KLF12: variants seen among roughly 807,000 people sequenced by gnomAD.
The protein encoded by KLF12 is KLF transcription factor 12, also known as Krueppel-like factor 12.
KLF12 carries 9 observed loss-of-function variants against 37.8 expected under a neutral mutation model. The observed-to-expected ratio is 0.24, with a 90% CI of 0.14 to 0.42. KLF12 has a LOEUF of 0.42. Ranked by LOEUF, KLF12 falls within the 10% of genes least tolerant of loss-of-function variation. The probability of loss-of-function intolerance (pLI) is 1.00; values close to 1 mark genes in which losing one functional copy is unlikely to be tolerated. For missense variants in KLF12, 411 were observed against 516.0 expected, an observed-to-expected ratio of 0.80 and a Z score of 1.97; for synonymous variants, 208 against 202.1, an observed-to-expected ratio of 1.03 and a Z score of -0.25.
chr13:73,690,769 A>C lies in KLF12; in HGVS notation c.*4721T>G, dbSNP rs932629951. 6.6e-6 allele frequency: 1 copy of C among 152,634 alleles called. No homozygotes were observed. The highest frequency in any genetic ancestry group is 1.5e-5 in the Non-Finnish European group (1 of 68,040). 9.5% of individuals were successfully genotyped at this position (152,634 alleles called of 1,614,324 possible). On this transcript the variant is annotated 3_prime_UTR_variant, in exon 8 of 8. Coordinates refer to ENST00000377669, the MANE Select transcript of KLF12 (RefSeq NM_007249.5). Reference sequence around the variant, plus strand: ...GCTCTCTTTCCCAACATACTTCATCAAACTATTTACAACCTCTGTAAAATT... The same window carrying C: ...GCTCTCTTTCCCAACATACTTCATCCAACTATTTACAACCTCTGTAAAATT...
intron 6 of KLF12, among the ~76,000 whole-genome samples, chr13:73,733,876 C>T (rs1298732559): frequency 6.6e-6 from 1 of 152,180 alleles, no homozygotes; most frequent in African/African-American, 2.4e-5. Flanking sequence ...TGGTCGCTCA[C>T]AGTCTTCTCA....
At chr13:73,764,364 C>T (rs931618927) in intron 6 of KLF12, among the ~76,000 whole-genome samples, 1 of 151,840 alleles carries the variant, frequency 6.6e-6, no homozygotes, top group Non-Finnish European at 1.5e-5. Context: ...TCTAAAGAAT[C>T]GATAAGCTAT....
chr13:73,903,955 G>A (rs1159367408), intron 3 of KLF12, among the ~76,000 whole-genome samples: 1 of 152,140 alleles, frequency 6.6e-6, no homozygotes, highest in African/African-American at 2.4e-5. Flanking sequence ...TTCCATTCTC[G>A]GAAAAATTTC....
At chr13:73,796,507 C>CTCTGTGTG (rs1341877045) in intron 5 of KLF12, among the ~76,000 whole-genome samples, 2 of 140,276 alleles carry the variant, frequency 1.4e-5, no homozygotes, top group African/African-American at 2.6e-5. Context: ...TGCCCCTGTG[C>CTCTGTGTG]TGTGTGTGTG....
At chr13:73,894,267 G>A (rs1045034578) in intron 3 of KLF12, among the ~76,000 whole-genome samples, 10 of 152,100 alleles carry the variant, frequency 6.6e-5, no homozygotes, top group Non-Finnish European at 1.3e-4. Flanking sequence ...AAAACTTTTC[G>A]CTCTCAAGAT....
intron 7 of KLF12, among the ~76,000 whole-genome samples, chr13:73,703,866 TG>T (rs1427625652): frequency 6.6e-6 from 1 of 152,172 alleles, no homozygotes; most frequent in Admixed American, 6.5e-5. Context: ...ACTGCAAATG[TG>T]AGCTACTACT....
intron 3 of KLF12, among the ~76,000 whole-genome samples, chr13:73,943,516 C>T (rs896390011): frequency 6.6e-6 from 1 of 152,296 alleles, no homozygotes; most frequent in East Asian, 1.9e-4. Flanking sequence ...CAACTATCCC[C>T]TAGTACTCCT....
At chr13:73,832,535 G>A (rs1884218272) in intron 4 of KLF12, among the ~76,000 whole-genome samples, 1 of 152,150 alleles carries the variant, frequency 6.6e-6, no homozygotes, top group African/African-American at 2.4e-5. Context: ...AAGCAATCAA[G>A]AAATTGAAAA....
At chr13:74,272,168 G>A in the KLF12 span, among the ~76,000 whole-genome samples, 1 of 152,172 alleles carries the variant, frequency 6.6e-6, no homozygotes, top group African/African-American at 2.4e-5. Context: ...AATTACTCTT[G>A]TCAAATAAAT....
the KLF12 span, among the ~76,000 whole-genome samples, chr13:74,274,435 C>G: frequency 1.3e-5 from 2 of 152,172 alleles, no homozygotes; most frequent in Non-Finnish European, 2.9e-5. Context: ...ATCTTTCCAC[C>G]TGTTCCTAAT....
intron 5 of KLF12, among the ~76,000 whole-genome samples, chr13:73,803,753 A>G (rs986177427): frequency 2.7e-5 from 4 of 148,686 alleles, no homozygotes; most frequent in African/African-American, 1.0e-4. Context: ...TCCTCTGAGC[A>G]GCACAACATA....
At chr13:73,830,976 A>G (rs1299215322) in intron 4 of KLF12, among the ~76,000 whole-genome samples, 1 of 143,666 alleles carries the variant, frequency 7.0e-6, no homozygotes, top group Admixed American at 7.5e-5. Flanking sequence ...ACATGGAATT[A>G]CCTCACGCAA....
chr13:74,198,536 T>A, the KLF12 span, among the ~76,000 whole-genome samples: 1 of 152,162 alleles, frequency 6.6e-6, no homozygotes, highest in Non-Finnish European at 1.5e-5. Context: ...AAAATAAGAA[T>A]CTGGAAACTT....
intron 1 of KLF12, among the ~76,000 whole-genome samples, chr13:74,101,883 T>C (rs1876369070): frequency 6.6e-6 from 1 of 152,274 alleles, no homozygotes; most frequent in East Asian, 1.9e-4. Flanking sequence ...TTGGCAACGA[T>C]CACTGTGGTG....
chr13:74,192,159 ATTAAC>A, the KLF12 span, among the ~76,000 whole-genome samples: 1 of 152,104 alleles, frequency 6.6e-6, no homozygotes, highest in Non-Finnish European at 1.5e-5. Context: ...TGCCTTGACT[ATTAAC>A]TTAAAAAAAA....
chr13:73,898,655 G>A (rs1421852797), intron 3 of KLF12, among the ~76,000 whole-genome samples: 1 of 152,012 alleles, frequency 6.6e-6, no homozygotes, highest in Non-Finnish European at 1.5e-5. Context: ...GACAAGGAGG[G>A]GCTTACCCTA....
chr13:74,156,461 A>T, the KLF12 span, among the ~76,000 whole-genome samples: 1 of 152,326 alleles, frequency 6.6e-6, no homozygotes, highest in South Asian at 2.1e-4. Context: ...CCCCTCAAGC[A>T]TTTATCCTTT....
the KLF12 span, among the ~76,000 whole-genome samples, chr13:74,144,804 C>T: frequency 6.6e-6 from 1 of 152,054 alleles, no homozygotes; most frequent in Non-Finnish European, 1.5e-5. Context: ...ATTTTCAACT[C>T]AACAAATCCT....
chr13:73,840,538 A>C (rs938530432), intron 4 of KLF12, among the ~76,000 whole-genome samples: 1 of 152,126 alleles, frequency 6.6e-6, no homozygotes, highest in African/African-American at 2.4e-5. Context: ...GTAGAGAACA[A>C]TAGGTCAGCC....
Sources: gnomAD v4.1 joint callset for allele counts (sites outside exome capture counted in the v4.1 genomes callset) on GRCh38, gnomAD v4.1.1 for gene constraint, MANE v1.5 for transcripts, NCBI Gene and HGNC (gene_info 2026-07-23, HGNC 2026-07-21) for gene names.